Variants in CYP11A1 observed in about 807,000 individuals in gnomAD.
The protein encoded by CYP11A1 is cytochrome P450 family 11 subfamily A member 1.
A neutral mutation model predicts 51.9 loss-of-function variants in CYP11A1; 25 were observed. The observed-to-expected ratio is 0.48, with a 90% CI of 0.35 to 0.67. CYP11A1 has a LOEUF of 0.67. CYP11A1 is among the 30% of genes least tolerant of loss of function. The pLI, the probability that CYP11A1 is intolerant of heterozygous loss-of-function variation, is 0.00. For synonymous variants in CYP11A1, 245 were observed against 262.1 expected (o/e 0.93, Z 0.63); for missense variants, 578 against 680.9 (o/e 0.85, Z 1.68).
At chr15:74,354,840 G>A (rs113452578) in intron 1 of CYP11A1, among the ~76,000 whole-genome samples, 9 of 152,050 alleles carry the variant, frequency 5.9e-5, no homozygotes, top group African/African-American at 1.2e-4. Flanking sequence ...TGTTTTATCC[G>A]TGAACCCAAA....
In CYP11A1 at chr15:74,339,329, G is replaced by A; in HGVS notation, c.1158-14C>T. On this transcript the variant is annotated splice_polypyrimidine_tract_variant and intron_variant, in intron 6 of 8. Transcript: ENST00000268053. ...ATGGGGTGAAGTCTGCGGGAGGAGGGCACTCAGAAGCTGATGGCCCCAAAG... is the reference window on the plus strand; with the variant it reads ...ATGGGGTGAAGTCTGCGGGAGGAGGACACTCAGAAGCTGATGGCCCCAAAG... The A allele has an allele frequency of 6.2e-7, 1 of 1,611,874 alleles. No individual in the cohort carries two copies.
rs779043334 is a variant in CYP11A1, at chr15:74,338,710, G to A, written c.1295C>T (p.Pro432Leu). 32 of 1,614,034 alleles carry A rather than the reference G, an allele frequency of 2.0e-5. No individual in the cohort carries two copies. Among genetic ancestry groups the A allele is most frequent in the Admixed American group, 3.3e-5 (2 of 60,008 alleles). ...CCATCGGGTTGGGTCAAAATTTTCC[G>A]GGTCGAAGAAGAAGGTGGGCTCTCG... ...LGREPTFFFDPENFDPTRWLS... is the reference protein window; with the variant it reads ...LGREPTFFFDLENFDPTRWLS... Residue 432 changes from proline to leucine, a missense_variant, in exon 8 of 9, where the codon CCG becomes CTG. By Grantham distance (98) the Pro-to-Leu change is moderately conservative. Transcript: ENST00000268053.
intron 1 of CYP11A1, 25 bp downstream of exon 1, chr15:74,367,292 G>A (rs769258024): frequency 4.3e-6 from 7 of 1,613,974 alleles, no homozygotes; most frequent in Middle Eastern, 1.7e-4. Flanking sequence ...CTGTCCCTTC[G>A]GCTCCCACCC....
intron 1 of CYP11A1, chr15:74,350,767 T>C (rs780009599): frequency 6.6e-6 from 1 of 152,092 alleles, no homozygotes; most frequent in Non-Finnish European, 1.5e-5. Context: ...GCCCCTGAGC[T>C]CCTACACTCA....
Position 74,337,793 on chromosome 15 carries a change from T to C in CYP11A1, c.*179A>G. 1.4e-6 allele frequency: 1 copy of C among 719,224 alleles called. No homozygotes were observed. 44.6% of individuals were successfully genotyped at this position (719,224 alleles called of 1,614,324 possible). A position where few individuals can be genotyped will look rare whatever the true frequency, so the allele number is the denominator to read the frequency against. ...TCAGCTGTTTATTGTCTCCATGGGG[T>C]GGGTGAAGAGGAGTGGCCCAGCTGA... On this transcript the variant is annotated 3_prime_UTR_variant, in exon 9 of 9. Transcript: ENST00000268053.
intron 3 of CYP11A1, among the ~76,000 whole-genome samples, chr15:74,344,763 A>G (rs1469070193): frequency 1.3e-5 from 2 of 152,212 alleles, no homozygotes; most frequent in African/African-American, 4.8e-5. Flanking sequence ...GATGGTGGCA[A>G]TAGGGACCTG....
At chr15:74,339,780 A>G (rs1199156245) in intron 5 of CYP11A1, 27 bp from the exon 6 acceptor site, 1 of 1,613,260 alleles carries the variant, frequency 6.2e-7, no homozygotes, top group South Asian at 1.1e-5. Flanking sequence ...TATACAGAAG[A>G]CCAGGAGGGC....
In CYP11A1 at chr15:74,345,373, T is replaced by C; in HGVS notation, c.426-130A>G. On this transcript the variant is annotated intron_variant, in intron 2 of 8. Transcript: ENST00000268053. The surrounding 1 kb of genome is among the most constrained non-coding windows in gnomAD (Gnocchi z 4.3). ...AGCATCCAGCACTCCCACCAGGGCCTCTGCCCTCACCTCTCCGAGCACCCT... is the reference window on the plus strand; with the variant it reads ...AGCATCCAGCACTCCCACCAGGGCCCCTGCCCTCACCTCTCCGAGCACCCT... 1 of 935,608 alleles carries C rather than the reference T, an allele frequency of 1.1e-6. No individual in the cohort carries two copies. Among genetic ancestry groups the C allele is most frequent in the South Asian group, 1.4e-5 (1 of 70,694 alleles). The allele number at this position is 935,608 out of a possible 1,614,324, so 58.0% of individuals were successfully genotyped here.
chr15:74,339,563 C>T (rs1043137431), intron 6 of CYP11A1, 24 bp downstream of exon 6: 21 of 1,608,410 alleles, frequency 1.3e-5, no homozygotes, highest in African/African-American at 8.0e-5. Flanking sequence ...GAGTTGGGGG[C>T]GGCATGGGTG....
intron 1 of CYP11A1, among the ~76,000 whole-genome samples, chr15:74,352,371 A>G (rs140218073): frequency 0.022 from 3,276 of 150,638 alleles, 86 homozygotes; most frequent in African/African-American, 0.066. Flanking sequence ...CTGGGTTCAA[A>G]CAATTCTCCT....
chr15:74,344,799 GCACAAATGCCA>G (rs1567052977), intron 3 of CYP11A1: 12 of 558,304 alleles, frequency 2.1e-5, no homozygotes, highest in African/African-American at 3.8e-5. Flanking sequence ...TGCTCCTACA[GCACAAATGCCA>G]GATGAGAGAG....
At position 74,345,266 on chromosome 15, in the gene CYP11A1, G is replaced by A. The variant is rs780872909; in HGVS notation, c.426-23C>T. 1.9e-6 allele frequency: 3 copies of A among 1,613,832 alleles called. No homozygotes were observed. Among genetic ancestry groups the A allele is most frequent in the Non-Finnish European group, 2.5e-6 (3 of 1,179,796 alleles). ...TTCCTGAGAAAACATGGGCCCACAA[G>A]CCCTCATGGTCACAGACCCCAGGCC... On this transcript the variant is annotated intron_variant, in intron 2 of 8. Transcript: ENST00000268053. The surrounding 1 kb of genome is among the most constrained non-coding windows in gnomAD (Gnocchi z 4.3).
Position 74,338,774 on chromosome 15 carries a change from G to A in CYP11A1, c.1237-6C>T, listed in dbSNP as rs766351201. The stretch of plus-strand genomic sequence containing the variant: ...ATGGCCACTTGCACCAGTGTCTGGG[G>A]CAAGGTGATCAGAGGCCTGAGTAAG... On this transcript the variant is annotated splice_region_variant and splice_polypyrimidine_tract_variant and intron_variant, in intron 7 of 8. Coordinates refer to ENST00000268053, the MANE Select transcript of CYP11A1 (RefSeq NM_000781.3). The A allele has an allele frequency of 1.3e-5, 21 of 1,613,682 alleles. No homozygotes were observed. Among genetic ancestry groups the A allele is most frequent in the Non-Finnish European group, 1.8e-5 (21 of 1,179,862 alleles).
At chr15:74,339,456 C>T (rs1596157728) in intron 6 of CYP11A1, 131 bp downstream of exon 6, 2 of 1,430,172 alleles carry the variant, frequency 1.4e-6, no homozygotes, top group South Asian at 1.2e-5. Context: ...CTATTTCTTT[C>T]TCCTCCAGAC....
At position 74,338,674 on chromosome 15, in the gene CYP11A1, T is replaced by C; in HGVS notation, c.1331A>G (p.Asp444Gly). Residue 444 changes from aspartate (D) to glycine (G), a missense_variant, in exon 8 of 9, where the codon GAC becomes GGC. Transcript: ENST00000268053. ...NFDPTRWLSK[D>G]KNITYFRNLG... ...GTTCCGGAAGTAGGTGATGTTCTTG[T>C]CTTTGCTCAGCCATCGGGTTGGGTC... 1.2e-6 allele frequency: 2 copies of C among 1,614,166 alleles called. No homozygotes were observed. The highest frequency in any genetic ancestry group is 1.7e-6 in the Non-Finnish European group (2 of 1,180,020).
At chr15:74,352,033 T>C (rs1015684343) in intron 1 of CYP11A1, among the ~76,000 whole-genome samples, 11 of 152,224 alleles carry the variant, frequency 7.2e-5, no homozygotes. Flanking sequence ...TGTCTAGATG[T>C]GTTTATTTGT....
At position 74,342,487 on chromosome 15, in the gene CYP11A1, C is replaced by T. The variant is rs139924328; in HGVS notation, c.990+490G>A. Among the ~76,000 whole-genome samples, 560 of 152,284 alleles carry T rather than the reference C, an allele frequency of 3.7e-3. 3 individuals carry two copies. The highest frequency in any genetic ancestry group is 0.026 in the South Asian group (123 of 4,820). On this transcript the variant is annotated intron_variant, in intron 5 of 8. Transcript: ENST00000268053. ...TGGGCGTTGGGGGCACCGTAGGGTA[C>T]TGAGGTCTGGAAAGGGGAGGAGGAA...
At chr15:74,338,404 G>C in intron 8 of CYP11A1, 167 bp downstream of exon 8, 1 of 784,624 alleles carries the variant, frequency 1.3e-6, no homozygotes, top group Non-Finnish European at 2.2e-6. Flanking sequence ...GCCCGAAAGA[G>C]GGGGCAGCAG....
chr15:74,344,920 C>T (rs572665499), intron 3 of CYP11A1, 124 bp downstream of exon 3: 8 of 923,406 alleles, frequency 8.7e-6, no homozygotes, highest in African/African-American at 3.3e-5. Flanking sequence ...ACATGATCAG[C>T]GGCTCATCCC....
Sources: gnomAD v4.1 joint callset for allele counts (sites outside exome capture counted in the v4.1 genomes callset) on GRCh38, gnomAD v4.1.1 for gene constraint, Gnocchi (gnomAD v3.1) non-coding constraint, MANE v1.5 for transcripts, NCBI Gene and HGNC (gene_info 2026-07-23, HGNC 2026-07-21) for gene names.